The following SNX10 variants were observed in gnomAD, a reference collection of about 807,000 sequenced individuals.
The protein encoded by SNX10 is sorting nexin 10, also known as sorting nexin-10.
Under a neutral mutation model 28.5 loss-of-function variants are expected in SNX10, and 25 were observed. The observed-to-expected ratio is 0.88, with a 90% CI of 0.64 to 1.22. The LOEUF (loss-of-function observed/expected upper bound fraction) is 1.22. SNX10 is among the 50% of genes most tolerant of loss of function. The pLI, the probability that SNX10 is intolerant of heterozygous loss-of-function variation, is 0.00. For missense variants in SNX10, 223 were observed against 242.6 expected, an observed-to-expected ratio of 0.92 and a Z score of 0.54; for synonymous variants, 62 against 81.4, an observed-to-expected ratio of 0.76 and a Z score of 1.28.
chr7:26,350,527 C>T (rs1449006318), intron 2 of SNX10, among the ~76,000 whole-genome samples: 1 of 152,182 alleles, frequency 6.6e-6, no homozygotes, highest in Non-Finnish European at 1.5e-5. Flanking sequence ...TGGTCTGGAA[C>T]TGATGAATAC....
chr7:26,329,104 G>C (rs887539785), intron 1 of SNX10, among the ~76,000 whole-genome samples: 1 of 152,178 alleles, frequency 6.6e-6, no homozygotes. Context: ...ACATAAGTCA[G>C]GTTAGGTCAT....
At chr7:26,358,854 T>C (rs1269088664) in intron 2 of SNX10, among the ~76,000 whole-genome samples, 1 of 135,446 alleles carries the variant, frequency 7.4e-6, no homozygotes, top group African/African-American at 2.7e-5. Context: ...TGGCCCGGGC[T>C]GGAGTGCATT....
chr7:26,347,909 A>C (rs1218641622), intron 2 of SNX10, among the ~76,000 whole-genome samples: 1 of 151,666 alleles, frequency 6.6e-6, no homozygotes, highest in Admixed American at 6.6e-5. Context: ...AAATGCATAA[A>C]GTGTTCCAAT....
intron 2 of SNX10, among the ~76,000 whole-genome samples, chr7:26,354,777 A>AG (rs1182238793): frequency 6.6e-6 from 1 of 152,140 alleles, no homozygotes; most frequent in Non-Finnish European, 1.5e-5. Context: ...TTGCCCTTTT[A>AG]ACCTTATTCA....
At chr7:26,363,965 G>C (rs567937075) in intron 3 of SNX10, among the ~76,000 whole-genome samples, 1 of 152,236 alleles carries the variant, frequency 6.6e-6, no homozygotes, top group East Asian at 1.9e-4. Flanking sequence ...TTATCCCCAC[G>C]TACCACGGTC....
chr7:26,362,607 A>G (rs1789122412), intron 3 of SNX10, among the ~76,000 whole-genome samples: 1 of 152,224 alleles, frequency 6.6e-6, no homozygotes, highest in Non-Finnish European at 1.5e-5. Flanking sequence ...TAGTGATCTC[A>G]GTATCCTCTA....
At chr7:26,354,301 TC>T (rs1420748563) in intron 2 of SNX10, 1 of 151,134 alleles carries the variant, frequency 6.6e-6, no homozygotes, top group Non-Finnish European at 1.5e-5. Context: ...AAATGTCTCT[TC>T]ATATCTTTTG....
At chr7:26,325,645 G>A (rs1031223636) in intron 1 of SNX10, among the ~76,000 whole-genome samples, 6 of 151,694 alleles carry the variant, frequency 4.0e-5, no homozygotes, top group Non-Finnish European at 5.9e-5. Flanking sequence ...TTTGTTTGAC[G>A]GATTTGTGTG....
At position 26,351,571 on chromosome 7, in the gene SNX10, T is replaced by C. The variant is rs141556476; in HGVS notation, c.24+5105T>C. ...CCCAAGGAAACACAATGACCAAATA[T>C]AATGTATCTCGAGTGGGATCCTGGA... is the stretch of plus-strand genomic sequence containing the variant. On this transcript the variant is annotated intron_variant, in intron 2 of 6. Coordinates refer to ENST00000338523, the MANE Select transcript of SNX10 (RefSeq NM_013322.3). 4.1e-3 allele frequency among the ~76,000 whole-genome samples: 615 copies of C among 150,240 alleles called. 1 individual carries two copies. Among genetic ancestry groups the C allele is most frequent in the Non-Finnish European group, 7.2e-3 (488 of 67,832 alleles).
At chr7:26,358,328 G>A (rs775444011) in intron 2 of SNX10, among the ~76,000 whole-genome samples, 2 of 152,138 alleles carry the variant, frequency 1.3e-5, no homozygotes, top group Non-Finnish European at 2.9e-5. Context: ...GTGATTAGGG[G>A]ATATTATGGA....
At chr7:26,293,538 T>C (rs773236471) in intron 1 of SNX10, among the ~76,000 whole-genome samples, 1 of 152,214 alleles carries the variant, frequency 6.6e-6, no homozygotes, top group Non-Finnish European at 1.5e-5. Flanking sequence ...AAGGGTAGAC[T>C]TGAGATTGAC....
At chr7:26,355,422 C>T (rs2128018021) in intron 2 of SNX10, among the ~76,000 whole-genome samples, 1 of 152,274 alleles carries the variant, frequency 6.6e-6, no homozygotes, top group South Asian at 2.1e-4. Flanking sequence ...GAGAATTTCT[C>T]TCTTTACTAT....
intron 2 of SNX10, among the ~76,000 whole-genome samples, chr7:26,353,463 T>A (rs12113583): frequency 1.7e-4 from 18 of 106,402 alleles, no homozygotes; most frequent in African/African-American, 4.3e-4. Context: ...TTTTTTTTGG[T>A]GGGGAGACAG....
intron 1 of SNX10, among the ~76,000 whole-genome samples, chr7:26,322,317 A>C (rs918879285): frequency 6.6e-6 from 1 of 152,182 alleles, no homozygotes; most frequent in African/African-American, 2.4e-5. Flanking sequence ...TATGAAAGGC[A>C]TTAACACCTC....
At chr7:26,330,555 C>T (rs1044659131) in intron 1 of SNX10, among the ~76,000 whole-genome samples, 4 of 151,860 alleles carry the variant, frequency 2.6e-5, no homozygotes, top group Non-Finnish European at 4.4e-5. Flanking sequence ...CATGAGTTCC[C>T]GAGGCATAGT....
chr7:26,304,937 GGCCCAGGGAAATCCAAAGCCCT>G (rs1229603048), intron 1 of SNX10, among the ~76,000 whole-genome samples: 2 of 152,108 alleles, frequency 1.3e-5, no homozygotes, highest in Non-Finnish European at 2.9e-5. Flanking sequence ...TCCAAAGCCC[GGCCCAGGGAAATCCAAAGCCCT>G]GCCCAGGTTT....
chr7:26,357,049 A>G, intron 2 of SNX10: 2 of 1,221,744 alleles, frequency 1.6e-6, no homozygotes, highest in African/African-American at 1.5e-5. Context: ...AAGGCATTGG[A>G]TGTATGAGGC....
At chr7:26,322,692 A>G (rs1174864877) in intron 1 of SNX10, among the ~76,000 whole-genome samples, 3 of 152,226 alleles carry the variant, frequency 2.0e-5, no homozygotes, top group Non-Finnish European at 2.9e-5. Context: ...ATAGTATAAA[A>G]TGGTCATTTT....
At chr7:26,326,942 T>A (rs1207167624) in intron 1 of SNX10, among the ~76,000 whole-genome samples, 2 of 144,952 alleles carry the variant, frequency 1.4e-5, no homozygotes, top group African/African-American at 5.2e-5. Context: ...GTCTCTGTGT[T>A]AATTATCTTT....
Sources: gnomAD v4.1 joint callset for allele counts (sites outside exome capture counted in the v4.1 genomes callset) on GRCh38, gnomAD v4.1.1 for gene constraint, MANE v1.5 for transcripts, NCBI Gene and HGNC (gene_info 2026-07-23, HGNC 2026-07-21) for gene names.